The following FKTN variants were observed in gnomAD, a reference collection of about 807,000 sequenced individuals.
FKTN encodes the protein fukutin.
Under a neutral mutation model 58.6 loss-of-function variants are expected in FKTN, and 47 were observed. That is an observed-to-expected ratio of 0.80 (90% CI 0.63 to 1.02). The LOEUF is 1.02. Among genes scored for constraint, FKTN ranks in the 50% least tolerant of loss-of-function variants. FKTN has a pLI of 0.00. For missense variants in FKTN, 516 were observed against 537.3 expected, an observed-to-expected ratio of 0.96 and a Z score of 0.39; for synonymous variants, 178 against 191.9, an observed-to-expected ratio of 0.93 and a Z score of 0.60.
intron 3 of FKTN, among the ~76,000 whole-genome samples, chr9:105,585,528 G>A (rs1439359376): frequency 2.0e-5 from 3 of 152,204 alleles, no homozygotes; most frequent in Non-Finnish European, 4.4e-5. Context: ...GTGTCATTGT[G>A]GAAAATTTTG....
At position 105,637,691 on chromosome 9, in the gene FKTN, G is replaced by T. The variant is rs116364105; in HGVS notation, c.*2427G>T. The T allele has an allele frequency of 9.6e-4, 950 of 985,320 alleles. 6 individuals carry two copies. In the African/African-American group the frequency reaches 0.016, roughly 16 times the overall value. The allele number at this position is 985,320 out of a possible 1,614,324, so 61.0% of individuals were successfully genotyped here. On this transcript the variant is annotated 3_prime_UTR_variant, in exon 11 of 11. Transcript: ENST00000357998. ...CAGGTTTAGTTTACCTGGCTTACCT[G>T]GGGAAGTTGACAACTTGTTGGTAGT... is the stretch of plus-strand genomic sequence containing the variant.
chr9:105,560,827 G>A (rs947113072), intron 1 of FKTN, among the ~76,000 whole-genome samples: 18 of 152,274 alleles, frequency 1.2e-4, no homozygotes, highest in African/African-American at 3.8e-4. Context: ...GGTGGCTCAC[G>A]TCTGTAATCT....
chr9:105,577,406 C>T (rs1193032136), intron 3 of FKTN, among the ~76,000 whole-genome samples: 3 of 141,600 alleles, frequency 2.1e-5, no homozygotes, highest in Non-Finnish European at 4.5e-5. Flanking sequence ...GTTTTCCCAG[C>T]ACCATTTATT....
At chr9:105,635,007 AC>A in intron 10 of FKTN, 43 bp from the exon 11 acceptor site, 2 of 1,523,330 alleles carry the variant, frequency 1.3e-6, no homozygotes, top group Non-Finnish European at 1.8e-6. Context: ...CCTTAGCTAG[AC>A]CTTCTTCCAC....
At chr9:105,588,473 A>C in intron 3 of FKTN, among the ~76,000 whole-genome samples, 1 of 152,354 alleles carries the variant, frequency 6.6e-6, no homozygotes, top group East Asian at 1.9e-4. Context: ...ATAGGCTATG[A>C]AACAAATGAT....
chr9:105,576,161 T>C (rs1481547217), intron 3 of FKTN, among the ~76,000 whole-genome samples: 2 of 147,542 alleles, frequency 1.4e-5, no homozygotes, highest in Non-Finnish European at 3.0e-5. Flanking sequence ...TTTTTTTTTT[T>C]AATTAATTTA....
chr9:105,611,876 T>C (rs1829987538), intron 7 of FKTN, among the ~76,000 whole-genome samples: 1 of 152,156 alleles, frequency 6.6e-6, no homozygotes, highest in African/African-American at 2.4e-5. Flanking sequence ...GATAATGGAA[T>C]TGCTGGGTCA....
In FKTN at chr9:105,637,587, C is replaced by G; in HGVS notation, c.*2323C>G. ...CCAGAGACCTTGGGTTAGGTATATC[C>G]ATCTTCAGTACCTCATTGGATCACT... On this transcript the variant is annotated 3_prime_UTR_variant, in exon 11 of 11. Transcript: ENST00000357998. 1.0e-6 allele frequency: 1 copy of G among 985,340 alleles called. No individual in the cohort carries two copies. The highest frequency in any genetic ancestry group is 1.2e-6 in the Non-Finnish European group (1 of 829,908). The allele number at this position is 985,340 out of a possible 1,614,324, so 61.0% of individuals were successfully genotyped here. A position where few individuals can be genotyped will look rare whatever the true frequency, so the allele number is the denominator to read the frequency against.
chr9:105,620,588 A>G (rs980288135), intron 10 of FKTN, among the ~76,000 whole-genome samples: 15 of 152,130 alleles, frequency 9.9e-5, no homozygotes, highest in South Asian at 8.3e-4. Flanking sequence ...TACCAGCTAT[A>G]TTACCTTGAG....
chr9:105,631,126 G>A (rs568253260), intron 10 of FKTN, among the ~76,000 whole-genome samples: 1 of 152,210 alleles, frequency 6.6e-6, no homozygotes, highest in South Asian at 2.1e-4. Flanking sequence ...AAGCGAGACT[G>A]TCTCAAACAA....
At chr9:105,628,239 G>T (rs1297521804) in intron 10 of FKTN, among the ~76,000 whole-genome samples, 1 of 152,026 alleles carries the variant, frequency 6.6e-6, no homozygotes, top group Non-Finnish European at 1.5e-5. Flanking sequence ...CGTATTTTCT[G>T]CTCTGTTTAT....
chr9:105,581,486 A>AG (rs58000291), intron 3 of FKTN, among the ~76,000 whole-genome samples: 1 of 150,698 alleles, frequency 6.6e-6, no homozygotes, highest in Non-Finnish European at 1.5e-5. Flanking sequence ...CTCGGGGGTC[A>AG]GGGGTCAGGG....
chr9:105,618,180 C>A, intron 9 of FKTN, 88 bp downstream of exon 9: 1 of 1,054,714 alleles, frequency 9.5e-7, no homozygotes, highest in Non-Finnish European at 1.5e-6. Context: ...GTTAAGAATG[C>A]TACATACATA....
chr9:105,562,944 G>A (rs1168732223), intron 1 of FKTN, among the ~76,000 whole-genome samples: 1 of 152,124 alleles, frequency 6.6e-6, no homozygotes, highest in African/African-American at 2.4e-5. Flanking sequence ...TGTCAGGGAA[G>A]GTTTTTGATT....
chr9:105,609,925 T>A (rs998081884), intron 7 of FKTN, among the ~76,000 whole-genome samples: 3 of 152,256 alleles, frequency 2.0e-5, no homozygotes, highest in Non-Finnish European at 4.4e-5. Context: ...ACTTTAAAAC[T>A]ATGTAAATAT....
chr9:105,590,655 G>A (rs1205263502), intron 3 of FKTN, among the ~76,000 whole-genome samples: 1 of 152,196 alleles, frequency 6.6e-6, no homozygotes, highest in Non-Finnish European at 1.5e-5. Flanking sequence ...ATGGCAAATT[G>A]CTGTTTACTG....
intron 10 of FKTN, among the ~76,000 whole-genome samples, chr9:105,626,897 A>G (rs1832803879): frequency 6.6e-6 from 1 of 151,418 alleles, no homozygotes; most frequent in African/African-American, 2.4e-5. Flanking sequence ...CTGGCTGAGT[A>G]TCTTGTCAGG....
chr9:105,634,353 C>G (rs10816288), intron 10 of FKTN, among the ~76,000 whole-genome samples: 1 of 151,908 alleles, frequency 6.6e-6, no homozygotes, highest in Non-Finnish European at 1.5e-5. Context: ...GGGCTGGTCT[C>G]GAACTTCTGG....
intron 1 of FKTN, among the ~76,000 whole-genome samples, 198 bp downstream of exon 1, chr9:105,558,363 T>A (rs1011123552): frequency 3.3e-5 from 5 of 152,116 alleles, no homozygotes; most frequent in Admixed American, 2.6e-4. Flanking sequence ...CATCGCGTGG[T>A]AGACTTCCAC....
Sources: allele counts gnomAD v4.1 joint callset (sites outside exome capture counted in the v4.1 genomes callset), GRCh38; gene constraint gnomAD v4.1.1; transcripts MANE v1.5; gene names NCBI Gene and HGNC (gene_info 2026-07-23, HGNC 2026-07-21).